The following PTPRM variants were observed in gnomAD, a reference collection of about 807,000 sequenced individuals.
The protein encoded by PTPRM is receptor-type tyrosine-protein phosphatase mu.
A neutral mutation model predicts 186.7 loss-of-function variants in PTPRM; 47 were observed. The observed-to-expected ratio is 0.25, with a 90% CI of 0.20 to 0.32. PTPRM has a LOEUF of 0.32. Among genes scored for constraint, PTPRM ranks in the 10% least tolerant of loss-of-function variants. PTPRM has a pLI of 1.00. For missense variants in PTPRM, 1,494 were observed against 1,865.0 expected, an observed-to-expected ratio of 0.80 and a Z score of 3.66; for synonymous variants, 668 against 674.9, an observed-to-expected ratio of 0.99 and a Z score of 0.16.
chr18:8,029,965 G>A (rs2085853296), intron 7 of PTPRM, among the ~76,000 whole-genome samples: 2 of 152,188 alleles, frequency 1.3e-5, no homozygotes, highest in African/African-American at 4.8e-5. Flanking sequence ...TTTTGCTACT[G>A]ATGTTATCCT....
At chr18:7,734,840 T>C (rs1438249492) in intron 1 of PTPRM, among the ~76,000 whole-genome samples, 1 of 152,220 alleles carries the variant, frequency 6.6e-6, no homozygotes, top group Non-Finnish European at 1.5e-5. Flanking sequence ...TGTCTTCCTC[T>C]GGGTATTTAT....
At chr18:7,842,947 T>TATATAGAGAGAG (rs370746043) in intron 2 of PTPRM, among the ~76,000 whole-genome samples, 35 of 112,116 alleles carry the variant, frequency 3.1e-4, no homozygotes, top group African/African-American at 1.1e-3. Context: ...TATATATATA[T>TATATAGAGAGAG]AGAGAGAGAG....
intron 29 of PTPRM, among the ~76,000 whole-genome samples, chr18:8,382,295 C>T (rs955083339): frequency 3.9e-5 from 6 of 152,152 alleles, no homozygotes; most frequent in African/African-American, 1.4e-4. Flanking sequence ...ACCCACGTCA[C>T]TCATATTTCT....
At chr18:8,046,767 G>A (rs547519335) in intron 7 of PTPRM, among the ~76,000 whole-genome samples, 241 of 152,182 alleles carry the variant, frequency 1.6e-3, no homozygotes, top group African/African-American at 5.4e-3. Flanking sequence ...TGGTCAGATT[G>A]ACTTTGTGCA....
intron 1 of PTPRM, among the ~76,000 whole-genome samples, chr18:7,688,334 A>G (rs148911108): frequency 5.9e-5 from 9 of 152,292 alleles, no homozygotes; most frequent in Non-Finnish European, 8.8e-5. Flanking sequence ...AGGGAGCTTT[A>G]TTCCTCAGAG....
chr18:7,590,216 T>G (rs1467181237), intron 1 of PTPRM, among the ~76,000 whole-genome samples: 4 of 152,206 alleles, frequency 2.6e-5, no homozygotes, highest in Non-Finnish European at 5.9e-5. Flanking sequence ...TTAAGTCAAG[T>G]TTCTCCTTAA....
At chr18:8,386,667 GA>G (rs1297258066) in intron 30 of PTPRM, among the ~76,000 whole-genome samples, 5 of 152,178 alleles carry the variant, frequency 3.3e-5, no homozygotes, top group African/African-American at 1.2e-4. Flanking sequence ...ATGCTCACAG[GA>G]AGCAGTGTTC....
intron 19 of PTPRM, among the ~76,000 whole-genome samples, chr18:8,260,973 G>A (rs1464705408): frequency 6.6e-6 from 1 of 152,180 alleles, no homozygotes; most frequent in African/African-American, 2.4e-5. Flanking sequence ...AAAGAAGCAG[G>A]GGCAGGTGGA....
At chr18:8,020,068 A>T (rs1341966168) in intron 7 of PTPRM, among the ~76,000 whole-genome samples, 5 of 152,176 alleles carry the variant, frequency 3.3e-5, no homozygotes, top group African/African-American at 1.2e-4. Context: ...GATGCCTGTT[A>T]GTATATATGA....
Position 7,756,290 on chromosome 18 carries a change from C to T in PTPRM, c.74-17859C>T, listed in dbSNP as rs570671923. Reference sequence around the variant, plus strand: ...CAGTTAATTCTGTGCATCCCTCATTCTTCTGTAAACATGCCTAGTGCAGTG... The same window carrying T: ...CAGTTAATTCTGTGCATCCCTCATTTTTCTGTAAACATGCCTAGTGCAGTG... On this transcript the variant is annotated intron_variant, in intron 1 of 32. Transcript: ENST00000580170. Among the ~76,000 whole-genome samples the T allele has an allele frequency of 2.0e-5, 3 of 152,270 alleles. No individual in the cohort carries two copies. The South Asian group carries it at 6.2e-4, about 32-fold the overall frequency.
chr18:7,695,152 C>T (rs1007355878), intron 1 of PTPRM, among the ~76,000 whole-genome samples: 9 of 152,152 alleles, frequency 5.9e-5, no homozygotes, highest in East Asian at 1.9e-4. Flanking sequence ...TGTTTTCTAA[C>T]GTCTCCTGTA....
At chr18:7,662,220 G>A (rs1422757922) in intron 1 of PTPRM, among the ~76,000 whole-genome samples, 1 of 152,194 alleles carries the variant, frequency 6.6e-6, no homozygotes, top group African/African-American at 2.4e-5. Context: ...ACAGGCATGA[G>A]CCACTATATC....
rs375048342 is a variant in PTPRM at position 8,264,869 on chromosome 18, C to T, written c.2754+11455C>T. Among the ~76,000 whole-genome samples, 3 of 152,036 alleles carry T rather than the reference C, an allele frequency of 2.0e-5. No individual in the cohort carries two copies. In the East Asian group the frequency reaches 5.8e-4, roughly 29 times the overall value. On this transcript the variant is annotated intron_variant, in intron 19 of 32. Transcript: ENST00000580170. ...CAATGCTATTACATTACTATCAAAC[C>T]CATTTTCCAGATGAGAAAATGAGTC... is the stretch of plus-strand genomic sequence containing the variant.
At chr18:7,842,819 T>C (rs954043214) in intron 2 of PTPRM, among the ~76,000 whole-genome samples, 14 of 94,674 alleles carry the variant, frequency 1.5e-4, no homozygotes, top group Non-Finnish European at 2.5e-4. Flanking sequence ...TGTGTGTGTA[T>C]ATATATATGT....
At chr18:8,355,786 T>C (rs1433686408) in intron 23 of PTPRM, among the ~76,000 whole-genome samples, 2 of 152,180 alleles carry the variant, frequency 1.3e-5, no homozygotes, top group Admixed American at 6.6e-5. Flanking sequence ...AAAATGTTGA[T>C]GTGAAGAGTA....
intron 4 of PTPRM, among the ~76,000 whole-genome samples, chr18:7,925,644 C>T (rs1173768287): frequency 2.0e-5 from 3 of 152,096 alleles, no homozygotes; most frequent in African/African-American, 7.2e-5. Context: ...TCTGTCTCTC[C>T]CAGAAAGTAT....
At chr18:8,289,932 G>A (rs578173464) in intron 19 of PTPRM, among the ~76,000 whole-genome samples, 8 of 152,044 alleles carry the variant, frequency 5.3e-5, no homozygotes, top group East Asian at 1.9e-4. Flanking sequence ...TCTCTTAGCC[G>A]TGAAGCATCA....
rs573230924 is a variant in PTPRM, at chr18:8,269,151, T to C, written c.2754+15737T>C. On this transcript the variant is annotated intron_variant, in intron 19 of 32. Coordinates refer to ENST00000580170, the MANE Select transcript of PTPRM (RefSeq NM_001105244.2). Reference sequence around the variant, plus strand: ...TCTGTTTATATGTAACATGATCTTATATATAGAAATACCTCAGAGACTCCA... The same window carrying C: ...TCTGTTTATATGTAACATGATCTTACATATAGAAATACCTCAGAGACTCCA... Among the ~76,000 whole-genome samples, 6 of 152,136 alleles carry C rather than the reference T, an allele frequency of 3.9e-5. No individual in the cohort carries two copies. The East Asian group carries it at 9.6e-4, about 24-fold the overall frequency.
intron 1 of PTPRM, among the ~76,000 whole-genome samples, chr18:7,588,243 C>T (rs1464494163): frequency 1.3e-5 from 2 of 152,120 alleles, no homozygotes; most frequent in Non-Finnish European, 2.9e-5. Context: ...TATATATATA[C>T]TTTCAGAAAT....
Sources: allele counts gnomAD v4.1 joint callset (sites outside exome capture counted in the v4.1 genomes callset), GRCh38; gene constraint gnomAD v4.1.1; transcripts MANE v1.5; gene names NCBI Gene and HGNC (gene_info 2026-07-23, HGNC 2026-07-21).